MYOF: variants seen among roughly 807,000 people sequenced by gnomAD.
MYOF encodes myoferlin.
In MYOF, 244 loss-of-function variants were observed where a neutral mutation model predicts 284.2. That is an observed-to-expected ratio of 0.86 (90% CI 0.77 to 0.95). The LOEUF (loss-of-function observed/expected upper bound fraction) is 0.95, where lower values mean the gene tolerates loss of function less well. MYOF is among the 40% of genes least tolerant of loss of function. The pLI, the probability that MYOF is intolerant of heterozygous loss-of-function variation, is 0.00. For synonymous variants in MYOF, 904 were observed against 919.7 expected (o/e 0.98, Z 0.31); for missense variants, 2,496 against 2,560.6 (o/e 0.97, Z 0.54).
At chr10:93,381,424 C>T (rs1846106977) in intron 19 of MYOF, 28 bp from the exon 20 acceptor site, 1 of 1,607,934 alleles carries the variant, frequency 6.2e-7, no homozygotes, top group African/African-American at 1.3e-5. Flanking sequence ...ACATAAGGTT[C>T]AGTGAAAGGC....
At chr10:93,375,847 C>T (rs1265421180) in intron 22 of MYOF, among the ~76,000 whole-genome samples, 1 of 152,150 alleles carries the variant, frequency 6.6e-6, no homozygotes, top group Non-Finnish European at 1.5e-5. Flanking sequence ...ATGAGACCCC[C>T]AAGGGTTCCT....
At position 93,364,002 on chromosome 10, in the gene MYOF, C is replaced by T. The variant is rs750634151; in HGVS notation, c.2827G>A (p.Gly943Arg). The T allele has an allele frequency of 8.1e-6, 13 of 1,614,054 alleles. No homozygotes were observed. The highest frequency in any genetic ancestry group is 5.3e-5 in the African/African-American group (4 of 74,942). Reference protein sequence around the residue: ...EVYQNESRYPGGDWKPAEDTY... With the variant: ...EVYQNESRYPRGDWKPAEDTY... ...TCCTCGGCCGGCTTCCAGTCGCCCCCGGGGTAGCGGCTCTCGTTCTGATAG... is the reference window on the plus strand; with the variant it reads ...TCCTCGGCCGGCTTCCAGTCGCCCCTGGGGTAGCGGCTCTCGTTCTGATAG... The change falls in exon 27 of 54, where the codon GGG (glycine) becomes AGG (arginine). Residue 943 changes from glycine to arginine, a missense_variant. Transcript: ENST00000359263.
At chr10:93,355,879 T>TG (rs1263452499) in intron 30 of MYOF, 143 bp from the exon 31 acceptor site, 1 of 600,172 alleles carries the variant, frequency 1.7e-6, no homozygotes, top group African/African-American at 1.8e-5. Context: ...TTTTTAAAGA[T>TG]GAATAAGTCC....
intron 1 of MYOF, among the ~76,000 whole-genome samples, chr10:93,470,393 G>T (rs779186426): frequency 2.6e-5 from 4 of 151,906 alleles, no homozygotes; most frequent in Non-Finnish European, 5.9e-5. Flanking sequence ...CTTTCCAGAA[G>T]TTTTTGTTTT....
intron 46 of MYOF, among the ~76,000 whole-genome samples, chr10:93,325,569 CAG>C (rs1352305574): frequency 6.6e-6 from 1 of 152,076 alleles, no homozygotes; most frequent in East Asian, 1.9e-4. Flanking sequence ...GAAATAGACT[CAG>C]AGAAACAGAT....
At chr10:93,387,389 A>G (rs1306453076) in intron 19 of MYOF, among the ~76,000 whole-genome samples, 1 of 152,240 alleles carries the variant, frequency 6.6e-6, no homozygotes, top group Non-Finnish European at 1.5e-5. Flanking sequence ...TCCTGTCTTC[A>G]AGGAGGAAGC....
At chr10:93,411,889 G>A (rs1847914887) in intron 5 of MYOF, among the ~76,000 whole-genome samples, 1 of 152,110 alleles carries the variant, frequency 6.6e-6, no homozygotes, top group African/African-American at 2.4e-5. Context: ...GATCATTGCA[G>A]CTCTCCTCCC....
At chr10:93,422,317 G>C (rs1005632620) in intron 5 of MYOF, among the ~76,000 whole-genome samples, 1 of 152,176 alleles carries the variant, frequency 6.6e-6, no homozygotes, top group Non-Finnish European at 1.5e-5. Context: ...CCGTGGGAGA[G>C]CTGGGCTGCG....
In MYOF at chr10:93,409,728, C is replaced by A. The variant is rs1847818027; in HGVS notation, c.445G>T (p.Glu149Ter). The change falls in exon 6 of 54, where the codon GAA becomes TAA. Residue 149 changes from glutamate (E) to a stop codon, truncating the protein, a stop_gained. Transcript: ENST00000359263. LOFTEE classifies it high-confidence loss of function. Reference sequence around the variant, plus strand: ...AACCTGTCTTCATCACCTTCATCTTCTTCCCCATCTCCTAAAATATCAGAA... The same window carrying A: ...AACCTGTCTTCATCACCTTCATCTTATTCCCCATCTCCTAAAATATCAGAA... Reference protein sequence around the residue: ...SVPGMGGDGEEDEGDEDRLDN... With the variant: ...SVPGMGGDGE The A allele has an allele frequency of 6.2e-7, 1 of 1,614,000 alleles. No individual in the cohort carries two copies. The highest frequency in any genetic ancestry group is 1.1e-5 in the South Asian group (1 of 91,062).
intron 6 of MYOF, among the ~76,000 whole-genome samples, chr10:93,409,165 G>C (rs1847776285): frequency 2.0e-5 from 3 of 152,180 alleles, no homozygotes; most frequent in African/African-American, 7.2e-5. Flanking sequence ...GCCTGGGAAA[G>C]GGCAGGGCAG....
intron 1 of MYOF, among the ~76,000 whole-genome samples, chr10:93,467,718 C>T (rs907865103): frequency 9.2e-5 from 14 of 152,300 alleles, no homozygotes; most frequent in Non-Finnish European, 1.6e-4. Context: ...AGACTTGGAA[C>T]CAACCCAAAT....
chr10:93,321,056 A>G (rs1842821875), intron 48 of MYOF, among the ~76,000 whole-genome samples: 1 of 152,242 alleles, frequency 6.6e-6, no homozygotes, highest in Non-Finnish European at 1.5e-5. Flanking sequence ...ACACACAGTT[A>G]TCATCTTCTA....
rs182517365 is a variant in MYOF, at chr10:93,416,953, A to T, written c.434-7214T>A. ...ACTTCGGAGCTGGAAGAGACCCTAC[A>T]TATTATTAAATCCAACCTCCTGATG... On this transcript the variant is annotated intron_variant, in intron 5 of 53. Transcript: ENST00000359263. Among the ~76,000 whole-genome samples, 6 of 152,240 alleles carry T rather than the reference A, an allele frequency of 3.9e-5. No homozygotes were observed. In the East Asian group the frequency reaches 1.2e-3, roughly 29 times the overall value.
intron 16 of MYOF, among the ~76,000 whole-genome samples, 199 bp downstream of exon 16, chr10:93,395,943 G>A (rs763844760): frequency 6.7e-6 from 1 of 149,474 alleles, no homozygotes; most frequent in Non-Finnish European, 1.5e-5. Flanking sequence ...TATGATTTTA[G>A]CAGTTTACTT....
intron 50 of MYOF, among the ~76,000 whole-genome samples, chr10:93,315,250 C>A (rs1011287960): frequency 6.6e-6 from 1 of 152,092 alleles, no homozygotes; most frequent in Non-Finnish European, 1.5e-5. Flanking sequence ...CCAGGAGGGA[C>A]CCCTGGAAGC....
chr10:93,388,019 G>T, intron 18 of MYOF, 106 bp from the exon 19 acceptor site: 1 of 821,804 alleles, frequency 1.2e-6, no homozygotes, highest in Non-Finnish European at 2.0e-6. Context: ...CCTTCCCATG[G>T]CCCTAACCTT....
At chr10:93,468,698 T>C (rs561428239) in intron 1 of MYOF, among the ~76,000 whole-genome samples, 1 of 152,360 alleles carries the variant, frequency 6.6e-6, no homozygotes, top group African/African-American at 2.4e-5. Context: ...TTTTGGGCCC[T>C]GCCAGCAGTT....
Position 93,380,115 on chromosome 10 carries a change from T to G in MYOF, c.1877-128A>C, listed in dbSNP as rs1341204069. ...TGGGGAATAGCTTGAGGTGGTCTGG[T>G]TCTTTAATTTGACTCAATTAAGCAA... On this transcript the variant is annotated intron_variant, in intron 20 of 53. Transcript: ENST00000359263. The G allele has an allele frequency of 3.3e-6, 4 of 1,197,942 alleles. No individual in the cohort carries two copies. In the African/African-American group the frequency reaches 4.6e-5, roughly 14 times the overall value. The allele number at this position is 1,197,942 out of a possible 1,614,324, so 74.2% of individuals were successfully genotyped here.
Position 93,409,731 on chromosome 10 carries a change from C to G in MYOF, c.442G>C (p.Glu148Gln). 6.2e-7 allele frequency: 1 copy of G among 1,614,110 alleles called. No individual in the cohort carries two copies. Among genetic ancestry groups the G allele is most frequent in the Non-Finnish European group, 8.5e-7 (1 of 1,180,018 alleles). Reference sequence around the variant, plus strand: ...CTGTCTTCATCACCTTCATCTTCTTCCCCATCTCCTAAAATATCAGAAAGA... The same window carrying G: ...CTGTCTTCATCACCTTCATCTTCTTGCCCATCTCCTAAAATATCAGAAAGA... ...PSVPGMGGDG[E>Q]EDEGDEDRLD... Residue 148 changes from glutamate to glutamine, a missense_variant, in exon 6 of 54, where the codon GAA becomes CAA. Physicochemically the swap from Glu to Gln is conservative, Grantham distance 29. This residue lies in a region of MYOF where 2,436 missense variants were observed against 2,480.7 expected (regional missense o/e 0.98). Transcript: ENST00000359263.
Sources: allele counts gnomAD v4.1 joint callset (sites outside exome capture counted in the v4.1 genomes callset), GRCh38; gene constraint gnomAD v4.1.1; regional missense constraint gnomAD v4.1.1; transcripts MANE v1.5; gene names NCBI Gene and HGNC (gene_info 2026-07-23, HGNC 2026-07-21).